Variants in FMN1 observed in about 807,000 individuals in gnomAD.
FMN1 encodes the protein formin-1.
FMN1 carries 110 observed loss-of-function variants against 132.4 expected under a neutral mutation model. The ratio of observed to expected loss-of-function variants is 0.83; its 90% CI spans 0.71 to 0.97. FMN1 has a LOEUF of 0.97. Among genes scored for constraint, FMN1 ranks in the 50% least tolerant of loss-of-function variants. The probability of loss-of-function intolerance (pLI) is 0.00; values close to 1 mark genes in which losing one functional copy is unlikely to be tolerated. For missense variants in FMN1, 1,792 were observed against 1,705.3 expected, an observed-to-expected ratio of 1.05 and a Z score of -0.90; for synonymous variants, 722 against 651.7, an observed-to-expected ratio of 1.11 and a Z score of -1.64.
chr15:33,157,168 G>A (rs1020012074), intron 3 of FMN1, among the ~76,000 whole-genome samples: 1 of 151,772 alleles, frequency 6.6e-6, no homozygotes, highest in African/African-American at 2.4e-5. Context: ...AGGAGGCCGA[G>A]GCACGAGAAT....
intron 6 of FMN1, among the ~76,000 whole-genome samples, chr15:33,059,195 C>A (rs1172220441): frequency 1.3e-5 from 2 of 152,208 alleles, no homozygotes; most frequent in African/African-American, 4.8e-5. Context: ...CCTCCTGATA[C>A]ATCCACATTG....
intron 19 of FMN1, among the ~76,000 whole-genome samples, chr15:32,796,492 T>A (rs2057294936): frequency 1.3e-5 from 2 of 152,234 alleles, no homozygotes; most frequent in South Asian, 4.1e-4. Flanking sequence ...TGATGTTATG[T>A]TGTCTCCTGA....
chr15:32,941,212 A>C (rs1011333358), intron 9 of FMN1, among the ~76,000 whole-genome samples: 1 of 152,208 alleles, frequency 6.6e-6, no homozygotes, highest in African/African-American at 2.4e-5. Context: ...TTGGGGGGAA[A>C]AGTGGCTACT....
intron 6 of FMN1, among the ~76,000 whole-genome samples, chr15:33,031,628 C>A (rs2141068174): frequency 6.6e-6 from 1 of 152,302 alleles, no homozygotes; most frequent in South Asian, 2.1e-4. Flanking sequence ...ACAGCTGTCC[C>A]AAATAAAGGA....
intron 6 of FMN1, among the ~76,000 whole-genome samples, chr15:33,034,432 C>A (rs1173972818): frequency 6.6e-6 from 1 of 152,104 alleles, no homozygotes; most frequent in African/African-American, 2.4e-5. Flanking sequence ...AAAAAATTAG[C>A]TTGGCATAGT....
intron 1 of FMN1, 85 bp downstream of exon 1, chr15:33,194,492 GC>G (rs1443494637): frequency 6.5e-6 from 1 of 153,018 alleles, no homozygotes; most frequent in Non-Finnish European, 1.5e-5. Context: ...AACCCTGAAA[GC>G]CACGGGGGAA....
In FMN1 at chr15:33,022,155, A is replaced by G. The variant is rs148875321; in HGVS notation, c.2162-14080T>C. 1.2e-3 allele frequency among the ~76,000 whole-genome samples: 176 copies of G among 152,326 alleles called. 1 individual carries two copies. Among genetic ancestry groups the G allele is most frequent in the Non-Finnish European group, 2.0e-3 (139 of 68,028 alleles). ...ATTACTTATAATAAATACCTAATACAACGTCAATGCTATGTAAATACTTAT... is the reference window on the plus strand; with the variant it reads ...ATTACTTATAATAAATACCTAATACGACGTCAATGCTATGTAAATACTTAT... On this transcript the variant is annotated intron_variant, in intron 6 of 20. Transcript: ENST00000616417.
intron 4 of FMN1, among the ~76,000 whole-genome samples, chr15:33,125,393 A>G (rs1962958021): frequency 6.6e-6 from 1 of 152,212 alleles, no homozygotes; most frequent in Admixed American, 6.5e-5. Flanking sequence ...CTAGTTGAAG[A>G]AAGGTAGACT....
At chr15:33,011,320 T>C (rs1358635431) in intron 6 of FMN1, among the ~76,000 whole-genome samples, 1 of 152,140 alleles carries the variant, frequency 6.6e-6, no homozygotes, top group African/African-American at 2.4e-5. Context: ...AAGAATGATC[T>C]TTTCAATAAC....
In FMN1 at chr15:33,179,335, A is replaced by T. The variant is rs894934173; in HGVS notation, c.-132+863T>A. On this transcript the variant is annotated intron_variant, in intron 3 of 20. Transcript: ENST00000616417. ...AAAAAAATGGATCTATGAAATGTTG[A>T]TCCATCCCTGATAGAAAAATGAAAG... is the stretch of plus-strand genomic sequence containing the variant. Among the ~76,000 whole-genome samples the T allele has an allele frequency of 3.3e-5, 5 of 152,198 alleles. 1 individual carries two copies. Among genetic ancestry groups the T allele is most frequent in the African/African-American group, 4.8e-5 (2 of 41,446 alleles).
rs991676769 is a variant in FMN1 at position 32,767,274 on chromosome 15, C to T, written c.*7036G>A. 5.3e-5 allele frequency: 8 copies of T among 152,316 alleles called. No homozygotes were observed. Among genetic ancestry groups the T allele is most frequent in the African/African-American group, 1.7e-4 (7 of 41,566 alleles). The allele number at this position is 152,316 out of a possible 1,614,324, so 9.4% of individuals were successfully genotyped here. ...TCACAAGATACCAGTTATATGAAGA[C>T]ATAAAACTGCATGGATCAGGTGCAC... is the stretch of plus-strand genomic sequence containing the variant. On this transcript the variant is annotated 3_prime_UTR_variant, in exon 21 of 21. Transcript: ENST00000616417.
chr15:32,982,703 C>A lies in FMN1; in HGVS notation c.2224-13226G>T, dbSNP rs544755820. Reference sequence around the variant, plus strand: ...CCTCAATAGAACGAAAAGACTGACTCTCCCACTACTAAGAAAAAATTCCTC... The same window carrying A: ...CCTCAATAGAACGAAAAGACTGACTATCCCACTACTAAGAAAAAATTCCTC... On this transcript the variant is annotated intron_variant, in intron 7 of 20. Coordinates refer to ENST00000616417, the MANE Select transcript of FMN1 (RefSeq NM_001277313.2). 1.6e-3 allele frequency among the ~76,000 whole-genome samples: 245 copies of A among 152,240 alleles called. 1 individual carries two copies. Among genetic ancestry groups the A allele is most frequent in the African/African-American group, 5.6e-3 (234 of 41,544 alleles).
intron 5 of FMN1, among the ~76,000 whole-genome samples, chr15:33,070,862 A>G (rs1373993080): frequency 2.0e-5 from 3 of 152,150 alleles, no homozygotes; most frequent in Non-Finnish European, 1.5e-5. Flanking sequence ...ATGAGTTGTT[A>G]TTATTATTAT....
intron 4 of FMN1, among the ~76,000 whole-genome samples, chr15:33,125,603 G>A (rs1243299699): frequency 2.0e-5 from 3 of 152,122 alleles, no homozygotes; most frequent in Non-Finnish European, 2.9e-5. Context: ...ACTTCGGAAG[G>A]CCAAGGCGGG....
At chr15:32,998,505 T>C (rs1338076947) in intron 7 of FMN1, among the ~76,000 whole-genome samples, 1 of 152,166 alleles carries the variant, frequency 6.6e-6, no homozygotes, top group African/African-American at 2.4e-5. Flanking sequence ...CTGAAGAACC[T>C]AATATTTAAG....
chr15:32,866,414 C>T (rs1382123385), intron 16 of FMN1, among the ~76,000 whole-genome samples: 1 of 152,036 alleles, frequency 6.6e-6, no homozygotes, highest in African/African-American at 2.4e-5. Context: ...ATTTTGTATG[C>T]TGAATAGTAA....
At chr15:33,031,653 A>G (rs988485381) in intron 6 of FMN1, among the ~76,000 whole-genome samples, 6 of 152,236 alleles carry the variant, frequency 3.9e-5, no homozygotes, top group Admixed American at 1.3e-4. Context: ...CAGCTGAATA[A>G]GCAGCCAGAT....
chr15:32,919,825 CTT>C (rs2060777238), intron 10 of FMN1, among the ~76,000 whole-genome samples: 2 of 152,154 alleles, frequency 1.3e-5, no homozygotes, highest in South Asian at 4.1e-4. Context: ...CTTGCATAAA[CTT>C]TGACAAAGAT....
chr15:33,119,694 T>G (rs117880751), intron 4 of FMN1, among the ~76,000 whole-genome samples: 4,887 of 152,294 alleles, frequency 0.032, 115 homozygotes, highest in Non-Finnish European at 0.051. Context: ...TTCCAAAAAT[T>G]TTTTCATTTT....
Sources: allele counts gnomAD v4.1 joint callset (sites outside exome capture counted in the v4.1 genomes callset), GRCh38; gene constraint gnomAD v4.1.1; transcripts MANE v1.5; gene names NCBI Gene and HGNC (gene_info 2026-07-23, HGNC 2026-07-21).